CDH22: variants seen among roughly 807,000 people sequenced by gnomAD.
CDH22 encodes the protein cadherin 22.
In CDH22, 30 loss-of-function variants were observed where a neutral mutation model predicts 58.4. The observed-to-expected ratio is 0.51, with a 90% CI of 0.38 to 0.70. CDH22 has a LOEUF of 0.70. CDH22 is among the 30% of genes least tolerant of loss of function. The probability of loss-of-function intolerance (pLI) is 0.00; values close to 1 mark genes in which losing one functional copy is unlikely to be tolerated. For missense variants in CDH22, 1,014 were observed against 1,233.9 expected, an observed-to-expected ratio of 0.82 and a Z score of 2.67; for synonymous variants, 513 against 558.2, an observed-to-expected ratio of 0.92 and a Z score of 1.14.
At chr20:46,291,624 A>G (rs2086603506) in intron 1 of CDH22, among the ~76,000 whole-genome samples, 1 of 152,172 alleles carries the variant, frequency 6.6e-6, no homozygotes. Context: ...TGCTCTTGTT[A>G]CGGCCCCTGC....
rs982307254 is a variant in CDH22, at chr20:46,216,293, A to G, written c.838+533T>C. On this transcript the variant is annotated intron_variant, in intron 5 of 11. Transcript: ENST00000537909. The surrounding 1 kb of genome is among the most constrained non-coding windows in gnomAD (Gnocchi z 5.3). ...GAAAGGCCTCCTAATTCAGAAGCAC[A>G]GAGTCGCGCTACCCAGGCTCAGAGG... Among the ~76,000 whole-genome samples the G allele has an allele frequency of 1.7e-4, 26 of 152,220 alleles. No homozygotes were observed. Among genetic ancestry groups the G allele is most frequent in the African/African-American group, 5.8e-4 (24 of 41,470 alleles).
intron 1 of CDH22, among the ~76,000 whole-genome samples, chr20:46,265,045 TGTGCCG>T (rs975337950): frequency 3.5e-4 from 53 of 152,250 alleles, no homozygotes; most frequent in South Asian, 1.2e-3. Context: ...ACCCTGCCCG[TGTGCCG>T]GTGCCACCGG....
chr20:46,277,355 G>C (rs2086523766), intron 1 of CDH22, among the ~76,000 whole-genome samples: 2 of 152,138 alleles, frequency 1.3e-5, no homozygotes, highest in Non-Finnish European at 2.9e-5. Flanking sequence ...AGGTTGGGAG[G>C]GCGCTGTCAC....
chr20:46,200,505 C>G (rs1446310157), intron 7 of CDH22, among the ~76,000 whole-genome samples: 1 of 149,232 alleles, frequency 6.7e-6, no homozygotes, highest in African/African-American at 2.5e-5. Context: ...TGGTCTCGAA[C>G]TACTGAGCTC....
intron 10 of CDH22, among the ~76,000 whole-genome samples, chr20:46,184,619 T>C (rs997394403): frequency 3.9e-5 from 6 of 152,206 alleles, no homozygotes; most frequent in African/African-American, 1.4e-4. Context: ...TGTTTGCTGT[T>C]GCATTTCCAG....
At chr20:46,204,997 C>T (rs955072891) in intron 7 of CDH22, among the ~76,000 whole-genome samples, 1 of 152,060 alleles carries the variant, frequency 6.6e-6, no homozygotes, top group African/African-American at 2.4e-5. Flanking sequence ...CAGCTGCCGC[C>T]CAAGCTGCTC....
intron 1 of CDH22, among the ~76,000 whole-genome samples, chr20:46,302,014 C>G (rs892985574): frequency 1.3e-5 from 2 of 152,208 alleles, no homozygotes; most frequent in South Asian, 2.1e-4. Flanking sequence ...GTCCAGCTCT[C>G]TGGGGAGGGG....
chr20:46,199,416 A>C lies in CDH22; in HGVS notation c.1423+7T>G, dbSNP rs1600692699. ...TGCCCTTGGAGGGGGCGTGGCGCCC[A>C]GCTCACCCGCCTCCATGGCCAGCAC... is the stretch of plus-strand genomic sequence containing the variant. On this transcript the variant is annotated splice_region_variant and intron_variant, in intron 8 of 11. Coordinates refer to ENST00000537909, the MANE Select transcript of CDH22 (RefSeq NM_021248.3). The C allele has an allele frequency of 1.9e-6, 3 of 1,606,212 alleles. No individual in the cohort carries two copies. The highest frequency in any genetic ancestry group is 2.5e-6 in the Non-Finnish European group (3 of 1,178,700).
chr20:46,287,492 G>T (rs1293628105), intron 1 of CDH22, among the ~76,000 whole-genome samples: 1 of 152,020 alleles, frequency 6.6e-6, no homozygotes, highest in African/African-American at 2.4e-5. Context: ...GGGGTGGCGA[G>T]GGCGAGGGCA....
chr20:46,232,661 G>A (rs1020128273), intron 3 of CDH22, among the ~76,000 whole-genome samples: 9 of 152,124 alleles, frequency 5.9e-5, no homozygotes, highest in Admixed American at 2.6e-4. Context: ...TGCCAGCACT[G>A]TGCAGAATGC....
At chr20:46,268,287 G>T (rs1481701451) in intron 1 of CDH22, among the ~76,000 whole-genome samples, 1 of 152,262 alleles carries the variant, frequency 6.6e-6, no homozygotes, top group Admixed American at 6.5e-5. Flanking sequence ...CCGCTCCGAG[G>T]GTCTGTCGCT....
intron 4 of CDH22, among the ~76,000 whole-genome samples, chr20:46,218,018 G>A (rs1172798036): frequency 1.3e-5 from 2 of 151,916 alleles, no homozygotes. Context: ...CCTCCTCCCG[G>A]GTTCAAGCAA....
chr20:46,262,181 G>T (rs2086436125), intron 1 of CDH22, among the ~76,000 whole-genome samples: 1 of 151,196 alleles, frequency 6.6e-6, no homozygotes, highest in Admixed American at 6.6e-5. Context: ...GGGACAGAGG[G>T]TGTTTGCATC....
intron 7 of CDH22, among the ~76,000 whole-genome samples, chr20:46,200,098 C>T (rs539284899): frequency 2.1e-4 from 32 of 152,212 alleles, no homozygotes; most frequent in African/African-American, 7.0e-4. Context: ...CTCAGTCTCC[C>T]GAGTAGCTGG....
At chr20:46,201,806 G>A (rs935157165) in intron 7 of CDH22, among the ~76,000 whole-genome samples, 1 of 152,138 alleles carries the variant, frequency 6.6e-6, no homozygotes, top group African/African-American at 2.4e-5. Flanking sequence ...AGTCCCGCTA[G>A]CCTGGGCGAA....
intron 3 of CDH22, among the ~76,000 whole-genome samples, chr20:46,236,225 C>T (rs991229806): frequency 9.2e-5 from 14 of 151,944 alleles, no homozygotes; most frequent in Admixed American, 3.9e-4. Context: ...GAGCCAGAAA[C>T]GCTGGGGGGG....
intron 1 of CDH22, among the ~76,000 whole-genome samples, chr20:46,264,892 C>A (rs1034198560): frequency 6.6e-6 from 1 of 151,388 alleles, no homozygotes; most frequent in Non-Finnish European, 1.5e-5. Context: ...ACACCGTGCG[C>A]GCACACACAC....
chr20:46,242,402 C>T (rs1334305735), intron 2 of CDH22, among the ~76,000 whole-genome samples: 1 of 152,326 alleles, frequency 6.6e-6, no homozygotes, highest in Middle Eastern at 3.4e-3. Context: ...CCCTGTGCAT[C>T]CTCACCCATC....
At chr20:46,184,616 T>C (rs992822224) in intron 10 of CDH22, among the ~76,000 whole-genome samples, 2 of 152,238 alleles carry the variant, frequency 1.3e-5, no homozygotes, top group African/African-American at 4.8e-5. Context: ...TTGTGTTTGC[T>C]GTTGCATTTC....
Sources: allele counts gnomAD v4.1 joint callset (sites outside exome capture counted in the v4.1 genomes callset), GRCh38; gene constraint gnomAD v4.1.1; non-coding constraint Gnocchi (gnomAD v3.1); transcripts MANE v1.5; gene names NCBI Gene and HGNC (gene_info 2026-07-23, HGNC 2026-07-21).